The following OXR1 variants were observed in gnomAD, a reference collection of about 807,000 sequenced individuals.
OXR1 encodes oxidation resistance 1.
OXR1 carries 41 observed loss-of-function variants against 104.6 expected under a neutral mutation model. The observed-to-expected ratio is 0.39, with a 90% CI of 0.31 to 0.51. The LOEUF (loss-of-function observed/expected upper bound fraction) is 0.51. Ranked by LOEUF, OXR1 falls within the 20% of genes least tolerant of loss-of-function variation. The pLI is 0.77. For missense variants in OXR1, 955 were observed against 1,031.9 expected (o/e 0.93, Z 1.02); for synonymous variants, 348 against 348.4 (o/e 1.00, Z 0.01).
At chr8:106,496,569 T>C (rs140956024) in intron 2 of OXR1, among the ~76,000 whole-genome samples, 56 of 152,264 alleles carry the variant, frequency 3.7e-4, no homozygotes, top group African/African-American at 1.3e-3. Context: ...GAAAGAGAGC[T>C]GGAGAGTCTC....
chr8:106,427,510 C>A (rs1461753774), intron 2 of OXR1, among the ~76,000 whole-genome samples: 4 of 152,140 alleles, frequency 2.6e-5, no homozygotes, highest in Non-Finnish European at 5.9e-5. Flanking sequence ...AGAACCACCA[C>A]TAGGGGCGTC....
At chr8:106,692,205 A>G (rs1362628971) in intron 6 of OXR1, among the ~76,000 whole-genome samples, 2 of 152,048 alleles carry the variant, frequency 1.3e-5, no homozygotes, top group Non-Finnish European at 2.9e-5. Flanking sequence ...CTTGTGATCT[A>G]GTGGAATGGG....
chr8:106,313,257 C>T (rs1284442092), intron 1 of OXR1, among the ~76,000 whole-genome samples: 3 of 152,040 alleles, frequency 2.0e-5, no homozygotes, highest in African/African-American at 7.2e-5. Flanking sequence ...TGCCTTACAT[C>T]ATGCCATTGA....
intron 2 of OXR1, among the ~76,000 whole-genome samples, chr8:106,514,766 TACAA>T (rs1812754340): frequency 1.3e-5 from 2 of 152,074 alleles, no homozygotes; most frequent in African/African-American, 4.8e-5. Flanking sequence ...CAATGTAAAA[TACAA>T]ACAGTTTCTG....
chr8:106,358,576 C>T (rs1431689095), intron 1 of OXR1, among the ~76,000 whole-genome samples: 1 of 152,158 alleles, frequency 6.6e-6, no homozygotes, highest in Non-Finnish European at 1.5e-5. Flanking sequence ...AGTGTACGTT[C>T]ACATAGGATA....
At chr8:106,699,756 C>T (rs957158987) in intron 7 of OXR1, among the ~76,000 whole-genome samples, 1 of 152,190 alleles carries the variant, frequency 6.6e-6, no homozygotes, top group Non-Finnish European at 1.5e-5. Context: ...GTGCATTCTG[C>T]TGCACAAAAG....
At chr8:106,352,137 T>A (rs998870000) in intron 1 of OXR1, among the ~76,000 whole-genome samples, 3 of 152,132 alleles carry the variant, frequency 2.0e-5, no homozygotes, top group African/African-American at 7.2e-5. Flanking sequence ...GTCATTGTTA[T>A]TAATCAGGCA....
At chr8:106,742,174 G>T in intron 14 of OXR1, 48 bp from the exon 15 acceptor site, 2 of 1,006,268 alleles carry the variant, frequency 2.0e-6, no homozygotes, top group South Asian at 2.6e-5. Flanking sequence ...ATGCTTACTG[G>T]AATAAATTTG....
chr8:106,294,357 T>C (rs1351253180), intron 1 of OXR1, among the ~76,000 whole-genome samples: 4 of 135,846 alleles, frequency 2.9e-5, no homozygotes, highest in African/African-American at 8.9e-5. Flanking sequence ...AGATGCACCA[T>C]TGCACTCCAA....
intron 3 of OXR1, among the ~76,000 whole-genome samples, chr8:106,537,067 C>A (rs750844506): frequency 2.0e-5 from 3 of 152,024 alleles, no homozygotes; most frequent in Non-Finnish European, 2.9e-5. Flanking sequence ...CTGGTGAGAA[C>A]CCACATGCTG....
At chr8:106,317,838 T>G (rs747861843) in intron 1 of OXR1, among the ~76,000 whole-genome samples, 6 of 152,078 alleles carry the variant, frequency 3.9e-5, no homozygotes, top group Non-Finnish European at 5.9e-5. Flanking sequence ...GTATTGTTCT[T>G]CTGAAAATAA....
intron 1 of OXR1, among the ~76,000 whole-genome samples, chr8:106,295,277 G>C (rs1409136769): frequency 2.0e-5 from 3 of 152,166 alleles, no homozygotes; most frequent in Non-Finnish European, 2.9e-5. Context: ...GGATTTAAAT[G>C]AGGATTACAC....
At chr8:106,723,016 C>A (rs1832958379) in intron 11 of OXR1, among the ~76,000 whole-genome samples, 1 of 152,070 alleles carries the variant, frequency 6.6e-6, no homozygotes, top group Non-Finnish European at 1.5e-5. Flanking sequence ...TAAAAATATT[C>A]TTCAATTGCT....
intron 2 of OXR1, among the ~76,000 whole-genome samples, chr8:106,460,531 C>G (rs1286317037): frequency 1.3e-5 from 2 of 152,152 alleles, no homozygotes; most frequent in Non-Finnish European, 2.9e-5. Context: ...AGAAGCAGCT[C>G]TAATGGTGGC....
intron 2 of OXR1, among the ~76,000 whole-genome samples, chr8:106,514,960 A>G (rs1586744803): frequency 6.6e-6 from 1 of 152,242 alleles, no homozygotes; most frequent in African/African-American, 2.4e-5. Flanking sequence ...CTTACTTTAT[A>G]TTGAAACTTA....
chr8:106,439,466 T>C (rs1051269675), intron 2 of OXR1, among the ~76,000 whole-genome samples: 29 of 152,246 alleles, frequency 1.9e-4, no homozygotes, highest in African/African-American at 6.5e-4. Flanking sequence ...CAGCCCAAAA[T>C]AAAACAGTTG....
intron 3 of OXR1, among the ~76,000 whole-genome samples, chr8:106,577,563 G>T (rs1817945080): frequency 6.6e-6 from 1 of 151,682 alleles, no homozygotes; most frequent in Non-Finnish European, 1.5e-5. Flanking sequence ...CTAATTTTTT[G>T]TATTTTTAGT....
At chr8:106,556,794 A>T (rs981757332) in intron 3 of OXR1, among the ~76,000 whole-genome samples, 1 of 152,166 alleles carries the variant, frequency 6.6e-6, no homozygotes, top group African/African-American at 2.4e-5. Flanking sequence ...TTATGTAATG[A>T]TTCTGCTGGT....
intron 1 of OXR1, among the ~76,000 whole-genome samples, chr8:106,319,461 C>T (rs935216494): frequency 6.6e-6 from 1 of 152,140 alleles, no homozygotes; most frequent in Non-Finnish European, 1.5e-5. Context: ...AATTTTTTGT[C>T]TAGATTTGGA....
Sources: allele counts gnomAD v4.1 joint callset (sites outside exome capture counted in the v4.1 genomes callset), GRCh38; gene constraint gnomAD v4.1.1; transcripts MANE v1.5; gene names NCBI Gene and HGNC (gene_info 2026-07-23, HGNC 2026-07-21).